CHODL: variants seen among roughly 807,000 people sequenced by gnomAD.
The protein encoded by CHODL is transmembrane protein MT75.
CHODL carries 29 observed loss-of-function variants against 34.5 expected under a neutral mutation model. The ratio of observed to expected loss-of-function variants is 0.84; its 90% CI spans 0.63 to 1.15. The LOEUF is 1.15. Among genes scored for constraint, CHODL ranks in the 50% most tolerant of loss-of-function variants. The pLI is 0.00. For synonymous variants in CHODL, 125 were observed against 116.1 expected, an observed-to-expected ratio of 1.08 and a Z score of -0.49; for missense variants, 332 against 332.5, an observed-to-expected ratio of 1.00 and a Z score of 0.01.
chr21:17,967,200 T>C (rs2063579384), intron 1 of CHODL, among the ~76,000 whole-genome samples: 1 of 152,128 alleles, frequency 6.6e-6, no homozygotes, highest in South Asian at 2.1e-4. Context: ...AGCTTCTTTA[T>C]GGCCATCAGA....
chr21:18,156,479 G>C (rs1415031846), intron 2 of CHODL, among the ~76,000 whole-genome samples: 1 of 151,864 alleles, frequency 6.6e-6, no homozygotes, highest in Non-Finnish European at 1.5e-5. Flanking sequence ...AAAAATTAAC[G>C]TTTTAAAAAA....
chr21:18,247,817 C>T (rs190048606), intron 1 of CHODL, among the ~76,000 whole-genome samples: 6 of 152,052 alleles, frequency 3.9e-5, no homozygotes, highest in Admixed American at 3.3e-4. Flanking sequence ...TCTATGGGAG[C>T]TGCAATCATT....
Position 18,179,854 on chromosome 21 carries a change from CCTT to C in CHODL, c.-44-76651_-44-76649del, listed in dbSNP as rs546839188. Among the ~76,000 whole-genome samples, 113 of 152,156 alleles carry C rather than the reference CCTT, an allele frequency of 7.4e-4. 1 individual carries two copies. Among genetic ancestry groups the C allele is most frequent in the African/African-American group, 2.6e-3 (108 of 41,518 alleles). The stretch of plus-strand genomic sequence containing the variant: ...TTTAATTTTTGTTGACAACATATGA[CCTT>C]CTTATTTATGTATTTTAATTGTGAC... On this transcript the variant is annotated intron_variant, in intron 2 of 6. Coordinates refer to the CHODL transcript ENST00000400127.
chr21:18,017,668 G>C (rs762350774), intron 1 of CHODL, among the ~76,000 whole-genome samples: 1 of 152,204 alleles, frequency 6.6e-6, no homozygotes, highest in Admixed American at 6.5e-5. Context: ...CCCTCACAGA[G>C]AATCTTTACT....
intron 1 of CHODL, among the ~76,000 whole-genome samples, chr21:17,936,458 T>A (rs1285684217): frequency 7.6e-6 from 1 of 132,242 alleles, no homozygotes; most frequent in Non-Finnish European, 1.6e-5. Flanking sequence ...TAGTATAAGA[T>A]GATGTTAAAA....
intron 2 of CHODL, among the ~76,000 whole-genome samples, chr21:18,126,363 A>G (rs1441130136): frequency 2.6e-5 from 4 of 152,364 alleles, no homozygotes; most frequent in Middle Eastern, 6.8e-3. Context: ...TTAATAGACT[A>G]TAGTGTACTG....
chr21:18,152,590 G>C (rs749897614), intron 2 of CHODL, among the ~76,000 whole-genome samples: 5 of 152,132 alleles, frequency 3.3e-5, no homozygotes, highest in Non-Finnish European at 4.4e-5. Context: ...GCTCTTAGAG[G>C]CCTTTTTCAG....
At chr21:17,920,900 T>G (rs1264792441) in intron 1 of CHODL, among the ~76,000 whole-genome samples, 2 of 152,176 alleles carry the variant, frequency 1.3e-5, no homozygotes, top group Non-Finnish European at 1.5e-5. Context: ...ACAGGGAAGT[T>G]ATATGATCAC....
At chr21:17,927,058 A>G (rs2063230404) in intron 1 of CHODL, among the ~76,000 whole-genome samples, 1 of 150,850 alleles carries the variant, frequency 6.6e-6, no homozygotes, top group African/African-American at 2.4e-5. Flanking sequence ...ATATATGTGT[A>G]TATGTATGTA....
At chr21:18,195,930 T>C (rs2073582445) in intron 2 of CHODL, among the ~76,000 whole-genome samples, 1 of 152,198 alleles carries the variant, frequency 6.6e-6, no homozygotes, top group Non-Finnish European at 1.5e-5. Flanking sequence ...AAGTGGGTTA[T>C]GAGGAGAAGG....
intron 2 of CHODL, among the ~76,000 whole-genome samples, chr21:18,166,564 TAAAC>T (rs545404169): frequency 4.3e-4 from 66 of 152,270 alleles, no homozygotes; most frequent in Admixed American, 1.8e-3. Flanking sequence ...ATTTCTCCAT[TAAAC>T]AATGCTAATT....
intron 2 of CHODL, among the ~76,000 whole-genome samples, chr21:18,048,924 T>G (rs1401831562): frequency 6.6e-6 from 1 of 151,876 alleles, no homozygotes; most frequent in African/African-American, 2.4e-5. Flanking sequence ...AACTTCACAT[T>G]TTTTTAAAAA....
In CHODL at chr21:18,058,491, T is replaced by C. The variant is rs565023612; in HGVS notation, c.-45+30520T>C. 1.4e-4 allele frequency among the ~76,000 whole-genome samples: 21 copies of C among 152,064 alleles called. No individual in the cohort carries two copies. In the East Asian group the frequency reaches 3.5e-3, roughly 25 times the overall value. On this transcript the variant is annotated intron_variant, in intron 2 of 6. Transcript: ENST00000400127. ...GAATGGATAAAGAAAATGTGGCATA[T>C]ATACACAATGGCCATAAAAAATAAT...
At chr21:18,002,427 A>G (rs1302381264) in intron 1 of CHODL, among the ~76,000 whole-genome samples, 1 of 152,294 alleles carries the variant, frequency 6.6e-6, no homozygotes, top group East Asian at 1.9e-4. Flanking sequence ...TATTTCAAAC[A>G]TACTTCTCTC....
chr21:18,247,849 G>A (rs186754907), intron 1 of CHODL, among the ~76,000 whole-genome samples: 1 of 152,142 alleles, frequency 6.6e-6, no homozygotes, highest in African/African-American at 2.4e-5. Flanking sequence ...AGTGACTGGT[G>A]AGTAGTGATG....
At chr21:18,156,573 G>A (rs964288803) in intron 2 of CHODL, among the ~76,000 whole-genome samples, 3 of 152,104 alleles carry the variant, frequency 2.0e-5, no homozygotes, top group African/African-American at 7.2e-5. Flanking sequence ...TACTTTCTGG[G>A]TCAATACGGT....
At chr21:18,135,133 T>G (rs1159656580) in intron 2 of CHODL, among the ~76,000 whole-genome samples, 1 of 152,222 alleles carries the variant, frequency 6.6e-6, no homozygotes, top group Non-Finnish European at 1.5e-5. Flanking sequence ...CTTTCTCCTA[T>G]TGAAGTGTAA....
At chr21:18,137,435 ATCAGGTATTTCC>A (rs1447209078) in intron 2 of CHODL, among the ~76,000 whole-genome samples, 1 of 152,216 alleles carries the variant, frequency 6.6e-6, no homozygotes, top group East Asian at 1.9e-4. Context: ...TATGTTAAAT[ATCAGGTATTTCC>A]TCATTTACCT....
intron 2 of CHODL, among the ~76,000 whole-genome samples, chr21:18,037,243 C>T (rs2064322149): frequency 1.3e-5 from 2 of 151,834 alleles, no homozygotes; most frequent in Admixed American, 6.6e-5. Flanking sequence ...ATTTAATTGG[C>T]ATCCAAGTAA....
Sources: allele counts gnomAD v4.1 joint callset (sites outside exome capture counted in the v4.1 genomes callset), GRCh38; gene constraint gnomAD v4.1.1; transcripts MANE v1.5; gene names NCBI Gene and HGNC (gene_info 2026-07-23, HGNC 2026-07-21).